The following CTNND2 variants were observed in gnomAD, a reference collection of about 807,000 sequenced individuals.
The protein encoded by CTNND2 is catenin delta-2.
Under a neutral mutation model 144.4 loss-of-function variants are expected in CTNND2, and 22 were observed. The observed-to-expected ratio is 0.15, with a 90% CI of 0.11 to 0.22. The LOEUF (loss-of-function observed/expected upper bound fraction) is 0.22. Ranked by LOEUF, CTNND2 falls within the 10% of genes least tolerant of loss-of-function variation. CTNND2 has a pLI of 1.00. For synonymous variants in CTNND2, 751 were observed against 695.6 expected (o/e 1.08, Z -1.25); for missense variants, 1,353 against 1,618.8 (o/e 0.84, Z 2.82).
chr5:11,165,190 T>C (rs975872465), intron 11 of CTNND2, among the ~76,000 whole-genome samples: 2 of 152,186 alleles, frequency 1.3e-5, no homozygotes, highest in Admixed American at 6.5e-5. Context: ...GTGGGATTAT[T>C]TACTTTGAAT....
intron 9 of CTNND2, among the ~76,000 whole-genome samples, chr5:11,341,609 C>T (rs1754282502): frequency 6.6e-6 from 1 of 152,226 alleles, no homozygotes; most frequent in Non-Finnish European, 1.5e-5. Context: ...ATGTGGTTTA[C>T]TGCAAACATT....
intron 10 of CTNND2, among the ~76,000 whole-genome samples, chr5:11,217,846 C>T (rs902705219): frequency 6.6e-6 from 1 of 152,218 alleles, no homozygotes; most frequent in African/African-American, 2.4e-5. Context: ...TTGCCATGAA[C>T]TCCAATCTCT....
chr5:11,330,372 T>C (rs1257926709), intron 9 of CTNND2, among the ~76,000 whole-genome samples: 3 of 143,448 alleles, frequency 2.1e-5, no homozygotes, highest in Non-Finnish European at 4.5e-5. Context: ...TAGTCTCAGC[T>C]ACTCAGGAGG....
At chr5:11,813,322 T>A (rs528915269) in intron 1 of CTNND2, among the ~76,000 whole-genome samples, 2 of 152,244 alleles carry the variant, frequency 1.3e-5, no homozygotes, top group Admixed American at 6.5e-5. Context: ...TCAGAACGTA[T>A]CCCAGTCATT....
At chr5:11,604,593 C>T (rs1313032527) in intron 2 of CTNND2, among the ~76,000 whole-genome samples, 1 of 152,198 alleles carries the variant, frequency 6.6e-6, no homozygotes, top group Non-Finnish European at 1.5e-5. Flanking sequence ...AGTCCATATT[C>T]TTCTGCCATC....
At chr5:11,110,736 G>A in intron 14 of CTNND2, 122 bp downstream of exon 14, 1 of 893,214 alleles carries the variant, frequency 1.1e-6, no homozygotes, top group Non-Finnish European at 1.7e-6. Flanking sequence ...AAATTGTGCA[G>A]ATGCATTAGT....
intron 9 of CTNND2, among the ~76,000 whole-genome samples, chr5:11,267,873 C>T (rs975113128): frequency 3.3e-5 from 5 of 152,184 alleles, no homozygotes; most frequent in Admixed American, 1.3e-4. Flanking sequence ...TGATGTTGAA[C>T]GTGAAGTCAT....
At chr5:11,451,684 C>G (rs529424676) in intron 3 of CTNND2, among the ~76,000 whole-genome samples, 3 of 152,292 alleles carry the variant, frequency 2.0e-5, no homozygotes, top group Admixed American at 6.5e-5. Context: ...ATAATAAATT[C>G]TAATGACACA....
chr5:11,266,166 T>C (rs1392247059), intron 9 of CTNND2, among the ~76,000 whole-genome samples: 1 of 152,218 alleles, frequency 6.6e-6, no homozygotes, highest in Non-Finnish European at 1.5e-5. Context: ...TGTTGATGCC[T>C]CTCAGATCCT....
chr5:11,114,109 G>T (rs1193435775), intron 13 of CTNND2, among the ~76,000 whole-genome samples: 1 of 152,138 alleles, frequency 6.6e-6, no homozygotes, highest in East Asian at 1.9e-4. Flanking sequence ...AGAGAGAAAC[G>T]ACTCTCATTG....
intron 3 of CTNND2, among the ~76,000 whole-genome samples, chr5:11,561,839 C>T (rs575633926): frequency 3.3e-5 from 5 of 152,138 alleles, no homozygotes; most frequent in South Asian, 2.1e-4. Context: ...GTCAGGAGTT[C>T]GAGACCAGCC....
intron 1 of CTNND2, among the ~76,000 whole-genome samples, chr5:11,769,778 T>C (rs960546907): frequency 1.3e-5 from 2 of 152,226 alleles, no homozygotes; most frequent in African/African-American, 4.8e-5. Context: ...TTAATAATTA[T>C]ATTTTCATAT....
chr5:10,977,289 C>G (rs994112643), intron 21 of CTNND2, among the ~76,000 whole-genome samples: 2 of 152,188 alleles, frequency 1.3e-5, no homozygotes, highest in Non-Finnish European at 2.9e-5. Flanking sequence ...GTTTTGTTAT[C>G]ATTTAAATAT....
chr5:11,040,987 T>C (rs1346073940), intron 16 of CTNND2, among the ~76,000 whole-genome samples: 4 of 152,164 alleles, frequency 2.6e-5, no homozygotes, highest in African/African-American at 7.2e-5. Flanking sequence ...CAGAAGACAA[T>C]TGTCTGTCTG....
chr5:11,523,768 G>A (rs936689387), intron 3 of CTNND2, among the ~76,000 whole-genome samples: 11 of 152,066 alleles, frequency 7.2e-5, no homozygotes, highest in East Asian at 1.9e-4. Flanking sequence ...TTCCCTTATC[G>A]AAACTCTGCC....
intron 3 of CTNND2, among the ~76,000 whole-genome samples, chr5:11,512,227 C>T (rs1771719634): frequency 6.6e-6 from 1 of 152,180 alleles, no homozygotes; most frequent in Non-Finnish European, 1.5e-5. Context: ...ACAAAGGGCT[C>T]CACAATATTC....
At chr5:11,290,591 T>C (rs1201593702) in intron 9 of CTNND2, among the ~76,000 whole-genome samples, 1 of 152,192 alleles carries the variant, frequency 6.6e-6, no homozygotes, top group African/African-American at 2.4e-5. Context: ...CAAATGATCC[T>C]GAATGCAACT....
intron 9 of CTNND2, among the ~76,000 whole-genome samples, chr5:11,240,029 G>A (rs1185969839): frequency 1.8e-4 from 28 of 152,046 alleles, no homozygotes; most frequent in Admixed American, 1.8e-3. Flanking sequence ...TGAAGAAAGG[G>A]CTTGGACATG....
At chr5:11,438,997 A>C (rs1764014462) in intron 3 of CTNND2, among the ~76,000 whole-genome samples, 1 of 152,042 alleles carries the variant, frequency 6.6e-6, no homozygotes, top group Non-Finnish European at 1.5e-5. Flanking sequence ...TCCAAATGTT[A>C]GTTTTGAGAT....
Sources: gnomAD v4.1 joint callset for allele counts (sites outside exome capture counted in the v4.1 genomes callset) on GRCh38, gnomAD v4.1.1 for gene constraint, MANE v1.5 for transcripts, NCBI Gene and HGNC (gene_info 2026-07-23, HGNC 2026-07-21) for gene names.